EXOC6B: variants seen among roughly 807,000 people sequenced by gnomAD.
EXOC6B encodes the protein exocyst complex component 6B.
EXOC6B carries 54 observed loss-of-function variants against 113.5 expected under a neutral mutation model. The ratio of observed to expected loss-of-function variants is 0.48; its 90% confidence interval spans 0.38 to 0.60. The LOEUF is 0.60. EXOC6B is among the 20% of genes least tolerant of loss of function. The pLI, the probability that EXOC6B is intolerant of heterozygous loss-of-function variation, is 0.00. For synonymous variants in EXOC6B, 357 were observed against 339.0 expected, an observed-to-expected ratio of 1.05 and a Z score of -0.58; for missense variants, 797 against 977.5, an observed-to-expected ratio of 0.82 and a Z score of 2.46.
rs894766764 is a variant in EXOC6B, at chr2:72,565,403, G to T, written c.847-5882C>A. On this transcript the variant is annotated intron_variant, in intron 7 of 21. Transcript: ENST00000272427. ...GAACACTGGTGAAACAAAAATTCAA[G>T]TGGTCTTTATTTAACAAGGGTCCAC... Among the ~76,000 whole-genome samples, 19 of 136,760 alleles carry T rather than the reference G, an allele frequency of 1.4e-4. 1 individual carries two copies. The highest frequency in any genetic ancestry group is 4.8e-4 in the African/African-American group (17 of 35,776). 89.7% of individuals were successfully genotyped at this position (136,760 alleles called of 152,430 possible). A position where few individuals can be genotyped will look rare whatever the true frequency, so the allele number is the denominator to read the frequency against.
At chr2:72,492,048 A>C (rs1699769150) in intron 16 of EXOC6B, among the ~76,000 whole-genome samples, 1 of 152,120 alleles carries the variant, frequency 6.6e-6, no homozygotes, top group Admixed American at 6.6e-5. Context: ...AATCAATGCC[A>C]GGTAACAGAA....
At chr2:72,237,945 C>T (rs1682068021) in intron 20 of EXOC6B, among the ~76,000 whole-genome samples, 1 of 152,034 alleles carries the variant, frequency 6.6e-6, no homozygotes, top group African/African-American at 2.4e-5. Flanking sequence ...TATAATTCCC[C>T]CATTTAAAGT....
In EXOC6B at chr2:72,398,645, C is replaced by G. The variant is rs557504655; in HGVS notation, c.1981-18775G>C. On this transcript the variant is annotated intron_variant, in intron 18 of 21. Coordinates refer to ENST00000272427, the MANE Select transcript of EXOC6B (RefSeq NM_015189.3). ...CCAGGAGGCAGAGGTGGCAGTGAGC[C>G]AAGATCGCGACACTGCACTCCAGCC... Among the ~76,000 whole-genome samples the G allele has an allele frequency of 4.7e-5, 7 of 148,358 alleles. No homozygotes were observed. The South Asian group carries it at 1.5e-3, about 32-fold the overall frequency.
chr2:72,784,986 C>T (rs1359094801), intron 1 of EXOC6B, among the ~76,000 whole-genome samples: 1 of 152,150 alleles, frequency 6.6e-6, no homozygotes, highest in Non-Finnish European at 1.5e-5. Context: ...TTCCTAGATA[C>T]AATGGGGATA....
chr2:72,476,345 G>A (rs527411360), intron 17 of EXOC6B, among the ~76,000 whole-genome samples: 4 of 152,136 alleles, frequency 2.6e-5, no homozygotes, highest in African/African-American at 9.6e-5. Flanking sequence ...CTTTTCTATT[G>A]AATTACAGTG....
chr2:72,454,947 A>C (rs185978511), intron 18 of EXOC6B, among the ~76,000 whole-genome samples: 1 of 152,194 alleles, frequency 6.6e-6, no homozygotes, highest in Non-Finnish European at 1.5e-5. Flanking sequence ...AATGTACTCT[A>C]TGTAGCTCAA....
In EXOC6B at chr2:72,379,822, T is replaced by A; in HGVS notation, c.2029A>T (p.Thr677Ser). The change falls in exon 19 of 22, where the codon ACA becomes TCA. Residue 677 changes from threonine to serine, a missense_variant. Coordinates refer to ENST00000272427, the MANE Select transcript of EXOC6B (RefSeq NM_015189.3). Reference sequence around the variant, plus strand: ...TCCAACAAAAGTTGCATCAAGGATGTGGCTAAATGCTTGCAAGCTGACATA... The same window carrying A: ...TCCAACAAAAGTTGCATCAAGGATGAGGCTAAATGCTTGCAAGCTGACATA... ...ACMSACKHLA[T>S]SLMQLLLEAE... 4 of 1,613,122 alleles carry A rather than the reference T, an allele frequency of 2.5e-6. No homozygotes were observed. The highest frequency in any genetic ancestry group is 2.5e-6 in the Non-Finnish European group (3 of 1,179,518).
chr2:72,525,135 A>T (rs1269130119), intron 8 of EXOC6B, among the ~76,000 whole-genome samples: 4 of 152,232 alleles, frequency 2.6e-5, no homozygotes, highest in Non-Finnish European at 5.9e-5. Context: ...AAAAGAAAGA[A>T]ATCTGATGTT....
At chr2:72,669,278 G>A (rs973813982) in intron 6 of EXOC6B, among the ~76,000 whole-genome samples, 2 of 151,624 alleles carry the variant, frequency 1.3e-5, no homozygotes, top group Non-Finnish European at 2.9e-5. Flanking sequence ...CTCATAAATG[G>A]GTGGTTCACT....
rs57679690 is a variant in EXOC6B, at chr2:72,189,860, C to CTTTTTTTTTTT, written c.2197-5684_2197-5674dup. 3.9e-3 allele frequency among the ~76,000 whole-genome samples: 342 copies of CTTTTTTTTTTT among 87,212 alleles called. 23 individuals are homozygous for CTTTTTTTTTTT. The highest frequency in any genetic ancestry group is 0.013 in the African/African-American group (194 of 15,350). 57.2% of individuals were successfully genotyped at this position (87,212 alleles called of 152,430 possible). A position where few individuals can be genotyped will look rare whatever the true frequency, so the allele number is the denominator to read the frequency against. ...TCTCTCTCTCTTTCTCCTTCTTCTT[C>CTTTTTTTTTTT]TTTTTTTTTTTTTTTTTTTTGAGGC... On this transcript the variant is annotated intron_variant, in intron 20 of 21. Coordinates refer to ENST00000272427, the MANE Select transcript of EXOC6B (RefSeq NM_015189.3).
intron 6 of EXOC6B, among the ~76,000 whole-genome samples, chr2:72,616,097 C>G (rs1191735639): frequency 6.6e-6 from 1 of 151,814 alleles, no homozygotes; most frequent in Non-Finnish European, 1.5e-5. Flanking sequence ...GAGTCAAAAT[C>G]TATATGTTGA....
At chr2:72,703,858 G>T (rs1678625859) in intron 6 of EXOC6B, among the ~76,000 whole-genome samples, 1 of 147,654 alleles carries the variant, frequency 6.8e-6, no homozygotes, top group African/African-American at 2.5e-5. Context: ...ATACAATCAT[G>T]TCGTCTGCAA....
chr2:72,202,003 A>T (rs866792266), intron 20 of EXOC6B, among the ~76,000 whole-genome samples: 20 of 152,312 alleles, frequency 1.3e-4, no homozygotes, highest in African/African-American at 4.6e-4. Flanking sequence ...AGATGCTAGG[A>T]TGGAAAGACT....
intron 1 of EXOC6B, among the ~76,000 whole-genome samples, chr2:72,785,137 C>T (rs1378284080): frequency 6.6e-6 from 1 of 152,254 alleles, no homozygotes; most frequent in African/African-American, 2.4e-5. Context: ...CCAGGTCTCA[C>T]ATCCAAGTCA....
intron 20 of EXOC6B, among the ~76,000 whole-genome samples, chr2:72,245,455 T>C (rs908474155): frequency 3.3e-5 from 5 of 152,174 alleles, no homozygotes; most frequent in African/African-American, 1.2e-4. Flanking sequence ...AACTGATACA[T>C]CCATACAATG....
At chr2:72,719,789 A>C (rs1679876413) in intron 5 of EXOC6B, among the ~76,000 whole-genome samples, 1 of 152,240 alleles carries the variant, frequency 6.6e-6, no homozygotes, top group African/African-American at 2.4e-5. Flanking sequence ...TACTAAAGGA[A>C]GCCTGAAAGG....
At chr2:72,723,809 T>C (rs1400687715) in intron 5 of EXOC6B, among the ~76,000 whole-genome samples, 2 of 151,582 alleles carry the variant, frequency 1.3e-5, no homozygotes, top group African/African-American at 4.8e-5. Context: ...TCTCTCACTT[T>C]ATAAACAAGT....
intron 6 of EXOC6B, among the ~76,000 whole-genome samples, chr2:72,631,453 TATATATATAGAGAGAGAGAGAGAGAGAG>T (rs1203417226): frequency 2.4e-3 from 81 of 33,942 alleles, no homozygotes; most frequent in African/African-American, 5.4e-3. Context: ...TATATATATA[TATATATATAGAGAGAGAGAGAGAGAGAG>T]AGAGAGAGAG....
chr2:72,283,847 T>G (rs989623626), intron 20 of EXOC6B, among the ~76,000 whole-genome samples: 4 of 152,140 alleles, frequency 2.6e-5, no homozygotes, highest in African/African-American at 9.7e-5. Flanking sequence ...AGAAATATTG[T>G]GAACAACTTT....
Sources: gnomAD v4.1 joint callset for allele counts (sites outside exome capture counted in the v4.1 genomes callset) on GRCh38, gnomAD v4.1.1 for gene constraint, MANE v1.5 for transcripts, NCBI Gene and HGNC (gene_info 2026-07-23, HGNC 2026-07-21) for gene names.